PCCA: variants seen among roughly 807,000 people sequenced by gnomAD.
The protein encoded by PCCA is propionyl-CoA carboxylase alpha chain, mitochondrial.
Under a neutral mutation model 101.3 loss-of-function variants are expected in PCCA, and 74 were observed. The ratio of observed to expected loss-of-function variants is 0.73; its 90% CI spans 0.61 to 0.89. The LOEUF is 0.89. Ranked by LOEUF, PCCA falls within the 40% of genes least tolerant of loss-of-function variation. The pLI is 0.00. For synonymous variants in PCCA, 294 were observed against 313.6 expected, an observed-to-expected ratio of 0.94 and a Z score of 0.66; for missense variants, 891 against 907.0, an observed-to-expected ratio of 0.98 and a Z score of 0.23.
intron 4 of PCCA, among the ~76,000 whole-genome samples, chr13:100,139,448 A>G (rs181143404): frequency 1.3e-5 from 2 of 151,630 alleles, no homozygotes; most frequent in African/African-American, 2.4e-5. Flanking sequence ...TTCAGATTGT[A>G]TAATTTCTGT....
At chr13:100,354,074 A>AAATAATAAT (rs35218503) in intron 18 of PCCA, among the ~76,000 whole-genome samples, 4,873 of 129,066 alleles carry the variant, frequency 0.038, 125 homozygotes, top group East Asian at 0.077. Context: ...CCATCTCTAC[A>AAATAATAAT]AATAATAATA....
chr13:100,151,681 C>G (rs965314929), intron 4 of PCCA, among the ~76,000 whole-genome samples: 5 of 151,878 alleles, frequency 3.3e-5, no homozygotes, highest in African/African-American at 1.2e-4. Context: ...TTAAAAATCT[C>G]TATTGGTTTT....
At chr13:100,488,466 C>T (rs1288124089) in intron 21 of PCCA, among the ~76,000 whole-genome samples, 1 of 152,012 alleles carries the variant, frequency 6.6e-6, no homozygotes, top group Non-Finnish European at 1.5e-5. Flanking sequence ...AAAAATATTG[C>T]ACATTAGCAT....
At chr13:100,401,532 G>A (rs746433914) in intron 19 of PCCA, among the ~76,000 whole-genome samples, 3 of 152,034 alleles carry the variant, frequency 2.0e-5, no homozygotes, top group Non-Finnish European at 4.4e-5. Context: ...GTGAGCCACC[G>A]TGCCCAGCCA....
intron 19 of PCCA, among the ~76,000 whole-genome samples, chr13:100,405,792 G>A (rs1489814191): frequency 2.3e-5 from 2 of 88,382 alleles, no homozygotes; most frequent in African/African-American, 4.3e-5. Context: ...TTTTTTTTGA[G>A]ATGGAGTCTT....
chr13:100,328,689 A>ATTTTTTTTT (rs757599001), intron 16 of PCCA, among the ~76,000 whole-genome samples: 4 of 98,220 alleles, frequency 4.1e-5, no homozygotes, highest in Admixed American at 1.3e-4. Context: ...GTTGAGGTTA[A>ATTTTTTTTT]TTTTTTTTTT....
chr13:100,292,050 T>C (rs2065166026), intron 12 of PCCA, among the ~76,000 whole-genome samples: 1 of 152,170 alleles, frequency 6.6e-6, no homozygotes, highest in South Asian at 2.1e-4. Flanking sequence ...GCATGGAGTT[T>C]GGAGTGGAGA....
chr13:100,504,978 T>A (rs187866910), intron 21 of PCCA, among the ~76,000 whole-genome samples: 33 of 152,208 alleles, frequency 2.2e-4, no homozygotes, highest in Admixed American at 8.5e-4. Flanking sequence ...GCAGGCACTG[T>A]TATGATCCAC....
At position 100,331,961 on chromosome 13, in the gene PCCA, A is replaced by G. The variant is rs1175123414; in HGVS notation, c.1540+1290A>G. ...TTTTTTTTTTTTTTTTTTTTTTGAG[A>G]CAGAGTTTTGCTCTTTTGCCCAGGC... On this transcript the variant is annotated intron_variant, in intron 17 of 23. Coordinates refer to ENST00000376285, the MANE Select transcript of PCCA (RefSeq NM_000282.4). Among the ~76,000 whole-genome samples, 4 of 118,368 alleles carry G rather than the reference A, an allele frequency of 3.4e-5. No homozygotes were observed. The East Asian group carries it at 7.3e-4, about 21-fold the overall frequency. 77.7% of individuals were successfully genotyped at this position (118,368 alleles called of 152,430 possible). A position where few individuals can be genotyped will look rare whatever the true frequency, so the allele number is the denominator to read the frequency against.
At chr13:100,268,566 G>T in intron 10 of PCCA, 123 bp from the exon 11 acceptor site, 1 of 770,592 alleles carries the variant, frequency 1.3e-6, no homozygotes, top group South Asian at 1.4e-5. Context: ...TGTTTTGAGA[G>T]GTATGTATAT....
At chr13:100,353,664 A>G (rs554123608) in intron 18 of PCCA, among the ~76,000 whole-genome samples, 81 of 152,344 alleles carry the variant, frequency 5.3e-4, no homozygotes, top group African/African-American at 1.9e-3. Context: ...GTATTAAAAA[A>G]AGAAGAGGCC....
chr13:100,316,443 G>A (rs1050407800), intron 16 of PCCA, among the ~76,000 whole-genome samples: 1 of 151,854 alleles, frequency 6.6e-6, no homozygotes, highest in Admixed American at 6.6e-5. Context: ...CAATTCCTTT[G>A]AGTTAGATTT....
intron 6 of PCCA, among the ~76,000 whole-genome samples, chr13:100,201,864 A>G (rs1227411780): frequency 1.1e-4 from 4 of 37,558 alleles, no homozygotes; most frequent in African/African-American, 8.6e-4. Flanking sequence ...TCTCAAAAAA[A>G]AAAAAAAAAA....
intron 16 of PCCA, among the ~76,000 whole-genome samples, chr13:100,319,282 G>T (rs1365431148): frequency 1.3e-5 from 2 of 151,994 alleles, no homozygotes; most frequent in Non-Finnish European, 2.9e-5. Context: ...CCATTCTGTA[G>T]GTTGCCTGTT....
chr13:100,208,362 T>A (rs1349856561), intron 6 of PCCA, among the ~76,000 whole-genome samples: 1 of 152,190 alleles, frequency 6.6e-6, no homozygotes, highest in Non-Finnish European at 1.5e-5. Context: ...TAACATGGAA[T>A]GAACAGGTGA....
chr13:100,462,452 A>G (rs530508199), intron 21 of PCCA, among the ~76,000 whole-genome samples: 53 of 152,296 alleles, frequency 3.5e-4, no homozygotes, highest in African/African-American at 1.0e-3. Context: ...GCTGGTGAAG[A>G]CAGACAAACT....
chr13:100,340,202 C>G lies in PCCA; in HGVS notation c.1586C>G (p.Ala529Gly). ...KSEKNQLLAI[A>G]SSLFVAFQLR... is the part of the protein sequence containing the mutation. ...GAGAAGAACCAGTTATTGGCAATAG[C>G]ATCATCATTGTTTGTGGCATTCCAG... The change falls in exon 18 of 24, where the codon GCA becomes GGA. Residue 529 changes from alanine to glycine, a missense_variant. Coordinates refer to ENST00000376285, the MANE Select transcript of PCCA (RefSeq NM_000282.4). 1 of 1,611,200 alleles carries G rather than the reference C, an allele frequency of 6.2e-7. No individual in the cohort carries two copies. Among genetic ancestry groups the G allele is most frequent in the African/African-American group, 1.3e-5 (1 of 75,002 alleles).
At chr13:100,263,666 G>A (rs1420821564) in intron 10 of PCCA, among the ~76,000 whole-genome samples, 1 of 151,998 alleles carries the variant, frequency 6.6e-6, no homozygotes, top group African/African-American at 2.4e-5. Flanking sequence ...ATAATCAGTT[G>A]GATGTTTTAC....
intron 20 of PCCA, among the ~76,000 whole-genome samples, chr13:100,428,170 G>A (rs1473808548): frequency 2.6e-5 from 4 of 151,876 alleles, no homozygotes; most frequent in Non-Finnish European, 2.9e-5. Context: ...AGGCTCCAGC[G>A]ATCCTCCCAC....
Sources: gnomAD v4.1 joint callset for allele counts (sites outside exome capture counted in the v4.1 genomes callset) on GRCh38, gnomAD v4.1.1 for gene constraint, MANE v1.5 for transcripts, NCBI Gene and HGNC (gene_info 2026-07-23, HGNC 2026-07-21) for gene names.